SLC14A2: variants seen among roughly 807,000 people sequenced by gnomAD.
SLC14A2 encodes the protein urea transporter 2.
Under a neutral mutation model 104.6 loss-of-function variants are expected in SLC14A2, and 91 were observed. The ratio of observed to expected loss-of-function variants is 0.87; its 90% confidence interval spans 0.73 to 1.04. The LOEUF is 1.04. SLC14A2 is among the 50% of genes least tolerant of loss of function. The probability of loss-of-function intolerance (pLI) is 0.00; values close to 1 mark genes in which losing one functional copy is unlikely to be tolerated. For missense variants in SLC14A2, 1,189 were observed against 1,156.0 expected, an observed-to-expected ratio of 1.03 and a Z score of -0.41; for synonymous variants, 476 against 466.4, an observed-to-expected ratio of 1.02 and a Z score of -0.27.
intron 1 of SLC14A2, among the ~76,000 whole-genome samples, chr18:45,470,638 A>AGGAT (rs2087230536): frequency 6.6e-6 from 1 of 152,134 alleles, no homozygotes; most frequent in East Asian, 1.9e-4. Context: ...AGTTTATACA[A>AGGAT]TATATTTAAT....
At chr18:45,406,958 A>C (rs764885088) in intron 1 of SLC14A2, among the ~76,000 whole-genome samples, 14 of 152,114 alleles carry the variant, frequency 9.2e-5, no homozygotes, top group African/African-American at 2.2e-4. Context: ...ATTTAGCATA[A>C]TTCTTAAGGG....
At chr18:45,639,698 T>C in intron 6 of SLC14A2, 48 bp from the exon 7 acceptor site, 1 of 1,597,972 alleles carries the variant, frequency 6.3e-7, no homozygotes, top group Non-Finnish European at 8.5e-7. Context: ...GTCTGGTTTT[T>C]GCATTATTGT....
chr18:45,359,819 C>T (rs1164831078), intron 1 of SLC14A2, among the ~76,000 whole-genome samples: 1 of 152,208 alleles, frequency 6.6e-6, no homozygotes, highest in African/African-American at 2.4e-5. Context: ...TGCCCAGCCA[C>T]CGGCAAGGGC....
chr18:45,283,382 A>G lies in SLC14A2; in HGVS notation c.-125+70191A>G, dbSNP rs1398207432. 2.2e-5 allele frequency among the ~76,000 whole-genome samples: 3 copies of G among 135,688 alleles called. 1 individual carries two copies. The highest frequency in any genetic ancestry group is 4.6e-5 in the Non-Finnish European group (3 of 64,542). The allele number at this position is 135,688 out of a possible 152,430, so 89.0% of individuals were successfully genotyped here. A position where few individuals can be genotyped will look rare whatever the true frequency, so the allele number is the denominator to read the frequency against. Reference sequence around the variant, plus strand: ...TTCTATAAGCCCAAAGTGCCCAGACACTGACTTAATACCCGCTCTAAGGAA... The same window carrying G: ...TTCTATAAGCCCAAAGTGCCCAGACGCTGACTTAATACCCGCTCTAAGGAA... On this transcript the variant is annotated intron_variant, in intron 1 of 20. Coordinates refer to the SLC14A2 transcript ENST00000586448.
At chr18:45,552,654 G>A (rs1442649407) in intron 2 of SLC14A2, among the ~76,000 whole-genome samples, 1 of 152,200 alleles carries the variant, frequency 6.6e-6, no homozygotes, top group African/African-American at 2.4e-5. Context: ...GAGTGTCATG[G>A]CAGGCAGTGG....
intron 1 of SLC14A2, among the ~76,000 whole-genome samples, chr18:45,441,499 C>T (rs1355983671): frequency 1.3e-5 from 2 of 152,174 alleles, no homozygotes; most frequent in Non-Finnish European, 2.9e-5. Context: ...AGTGTGGGAC[C>T]ACCAGTGCTT....
intron 2 of SLC14A2, among the ~76,000 whole-genome samples, chr18:45,490,979 A>G (rs1000268224): frequency 1.3e-5 from 2 of 152,234 alleles, no homozygotes; most frequent in African/African-American, 2.4e-5. Flanking sequence ...CCAAGTTTTT[A>G]TGGGAAATGG....
chr18:45,500,373 C>T lies in SLC14A2; in HGVS notation c.-35+17051C>T, dbSNP rs973264925. Among the ~76,000 whole-genome samples the T allele has an allele frequency of 2.6e-5, 4 of 152,058 alleles. No individual in the cohort carries two copies. In the East Asian group the frequency reaches 7.8e-4, roughly 30 times the overall value. On this transcript the variant is annotated intron_variant, in intron 2 of 20. Coordinates refer to the SLC14A2 transcript ENST00000586448. ...CGGGCGGATCACGAGGTCAGGAGATCGAGACCATCCTGGCTAACACGGTGA... is the reference window on the plus strand; with the variant it reads ...CGGGCGGATCACGAGGTCAGGAGATTGAGACCATCCTGGCTAACACGGTGA...
At chr18:45,195,594 G>T in the SLC14A2 span, among the ~76,000 whole-genome samples, 1 of 152,150 alleles carries the variant, frequency 6.6e-6, no homozygotes, top group East Asian at 1.9e-4. Flanking sequence ...GTTTCTTTAT[G>T]TTGGCCAGGC....
chr18:45,681,463 A>C (rs1256888620), intron 19 of SLC14A2, among the ~76,000 whole-genome samples: 1 of 152,258 alleles, frequency 6.6e-6, no homozygotes, highest in Non-Finnish European at 1.5e-5. Context: ...TTAGCAAACT[A>C]TCCATTCAAG....
chr18:45,442,934 G>T (rs1019139691), intron 1 of SLC14A2, among the ~76,000 whole-genome samples: 4 of 152,190 alleles, frequency 2.6e-5, no homozygotes, highest in African/African-American at 9.7e-5. Flanking sequence ...GCAGGTGCTA[G>T]GTTGTTGAAG....
intron 1 of SLC14A2, among the ~76,000 whole-genome samples, chr18:45,437,998 AC>A (rs1422979968): frequency 6.6e-6 from 1 of 152,160 alleles, no homozygotes; most frequent in Non-Finnish European, 1.5e-5. Context: ...CTACAGTCAT[AC>A]ATCCAACAAA....
intron 1 of SLC14A2, among the ~76,000 whole-genome samples, chr18:45,351,907 G>A (rs1251042796): frequency 1.3e-5 from 2 of 152,186 alleles, no homozygotes; most frequent in East Asian, 3.9e-4. Flanking sequence ...TGGGAAAGGA[G>A]TAGATAAACA....
intron 1 of SLC14A2, among the ~76,000 whole-genome samples, chr18:45,471,977 A>G (rs2087257984): frequency 6.6e-6 from 1 of 152,200 alleles, no homozygotes; most frequent in South Asian, 2.1e-4. Flanking sequence ...TGCTGCACCC[A>G]TCAACCCATC....
In SLC14A2 at chr18:45,616,652, T is replaced by TGGGCTGATCC. The variant is rs1347646550; in HGVS notation, c.-35+1071_-35+1080dup. On this transcript the variant is annotated intron_variant, in intron 1 of 19. Transcript: ENST00000255226. ...GAGGGCCTGGCTTAAAGGGAGATAA[T>TGGGCTGATCC]GGGCTGATCCAGACTGAGGGCTCTG... 8.5e-5 allele frequency among the ~76,000 whole-genome samples: 13 copies of TGGGCTGATCC among 152,286 alleles called. No individual in the cohort carries two copies. The South Asian group carries it at 2.5e-3, about 29-fold the overall frequency.
At chr18:45,592,139 A>G (rs970274255) in intron 2 of SLC14A2, among the ~76,000 whole-genome samples, 2 of 152,158 alleles carry the variant, frequency 1.3e-5, no homozygotes, top group Admixed American at 1.3e-4. Context: ...TACCAAGAGG[A>G]ATTGGCCCAG....
intron 2 of SLC14A2, among the ~76,000 whole-genome samples, chr18:45,582,139 C>T (rs1383050830): frequency 1.3e-5 from 2 of 152,150 alleles, no homozygotes. Context: ...TTGCTCTTGA[C>T]CTACTGACTT....
intron 1 of SLC14A2, among the ~76,000 whole-genome samples, chr18:45,252,630 T>A (rs2084434633): frequency 6.6e-6 from 1 of 152,182 alleles, no homozygotes; most frequent in Non-Finnish European, 1.5e-5. Context: ...TCAGGAGCTG[T>A]CTGCTGACTC....
At chr18:45,615,132 G>A (rs2144466403), upstream of SLC14A2, 1 of 152,328 alleles carries the variant, frequency 6.6e-6, no homozygotes, top group Non-Finnish European at 1.5e-5. Flanking sequence ...TAGGTGGAAG[G>A]GACTTGCCTT....
Sources: allele counts gnomAD v4.1 joint callset (sites outside exome capture counted in the v4.1 genomes callset), GRCh38; gene constraint gnomAD v4.1.1; transcripts MANE v1.5; gene names NCBI Gene and HGNC (gene_info 2026-07-23, HGNC 2026-07-21).